The following GRIA1 variants were observed in gnomAD, a reference collection of about 807,000 sequenced individuals.
GRIA1 encodes glutamate receptor 1.
Under a neutral mutation model 99.2 loss-of-function variants are expected in GRIA1, and 31 were observed. That is an observed-to-expected ratio of 0.31 (90% confidence interval 0.23 to 0.42). The LOEUF (loss-of-function observed/expected upper bound fraction) is 0.42, where lower values mean the gene tolerates loss of function less well. GRIA1 is among the 10% of genes least tolerant of loss of function. The probability of loss-of-function intolerance (pLI) is 1.00; values close to 1 mark genes in which losing one functional copy is unlikely to be tolerated. For synonymous variants in GRIA1, 438 were observed against 432.4 expected, an observed-to-expected ratio of 1.01 and a Z score of -0.16; for missense variants, 782 against 1,157.5, an observed-to-expected ratio of 0.68 and a Z score of 4.71.
chr5:153,726,289 G>A (rs1480062407), intron 11 of GRIA1, among the ~76,000 whole-genome samples: 2 of 148,100 alleles, frequency 1.4e-5, no homozygotes, highest in African/African-American at 2.5e-5. Context: ...GAGAATGCAG[G>A]AAAGATCCAA....
chr5:153,555,579 G>A (rs1024433226), intron 2 of GRIA1, among the ~76,000 whole-genome samples: 22 of 151,886 alleles, frequency 1.4e-4, no homozygotes, highest in African/African-American at 5.1e-4. Flanking sequence ...AGACTCACTT[G>A]CAACGCAAAG....
rs1757636233 is a variant in GRIA1, at chr5:153,526,752, CAA to C, written c.220+32689_220+32690del. Among the ~76,000 whole-genome samples the C allele has an allele frequency of 2.6e-5, 4 of 152,208 alleles. No individual in the cohort carries two copies. The South Asian group carries it at 6.2e-4, about 24-fold the overall frequency. On this transcript the variant is annotated intron_variant, in intron 2 of 15. Coordinates refer to ENST00000285900, the MANE Select transcript of GRIA1 (RefSeq NM_000827.4). The stretch of plus-strand genomic sequence containing the variant: ...ATTTGCCCGGGATCACACTGAAACA[CAA>C]AGAGGGTGAATATGTGCACAGGGCA...
At chr5:153,498,285 T>C (rs1471470186) in intron 2 of GRIA1, among the ~76,000 whole-genome samples, 1 of 152,174 alleles carries the variant, frequency 6.6e-6, no homozygotes, top group Admixed American at 6.5e-5. Context: ...TTGGCAAGCA[T>C]TGAGTTTGCA....
chr5:153,564,075 C>T (rs981345815), intron 2 of GRIA1, among the ~76,000 whole-genome samples: 3 of 152,180 alleles, frequency 2.0e-5, no homozygotes, highest in African/African-American at 7.2e-5. Flanking sequence ...GACCTCTGCA[C>T]AATTCAGGGA....
intron 2 of GRIA1, among the ~76,000 whole-genome samples, chr5:153,503,462 C>T (rs1393039623): frequency 1.3e-5 from 2 of 152,124 alleles, no homozygotes; most frequent in African/African-American, 4.8e-5. Context: ...GCTAGGCAAA[C>T]GCAGGGTAAT....
At chr5:153,625,975 C>T (rs181951209) in intron 2 of GRIA1, among the ~76,000 whole-genome samples, 187 of 152,238 alleles carry the variant, frequency 1.2e-3, no homozygotes, top group African/African-American at 3.3e-3. Flanking sequence ...TGCCTACGCC[C>T]GTCACTTAGT....
intron 2 of GRIA1, among the ~76,000 whole-genome samples, chr5:153,634,202 C>T (rs1753182739): frequency 6.6e-6 from 1 of 151,690 alleles, no homozygotes; most frequent in African/African-American, 2.4e-5. Flanking sequence ...CCTGTAGTCC[C>T]AGCTACTCGG....
chr5:153,519,240 C>T (rs183188274), intron 2 of GRIA1, among the ~76,000 whole-genome samples: 104 of 151,746 alleles, frequency 6.9e-4, no homozygotes, highest in Middle Eastern at 3.4e-3. Context: ...CCAGCCTGGA[C>T]GACAGAGCGA....
chr5:153,757,055 G>T (rs1481635119), intron 11 of GRIA1, among the ~76,000 whole-genome samples: 1 of 152,110 alleles, frequency 6.6e-6, no homozygotes, highest in Non-Finnish European at 1.5e-5. Context: ...GAAGCTCAAT[G>T]AATTTTAAGA....
At chr5:153,670,117 C>T (rs1445970994) in intron 5 of GRIA1, among the ~76,000 whole-genome samples, 1 of 152,200 alleles carries the variant, frequency 6.6e-6, no homozygotes, top group Non-Finnish European at 1.5e-5. Context: ...TGAGAGCTTA[C>T]AGTTTATTGG....
chr5:153,548,193 G>T (rs1037529574), intron 2 of GRIA1, among the ~76,000 whole-genome samples: 1 of 152,132 alleles, frequency 6.6e-6, no homozygotes, highest in African/African-American at 2.4e-5. Context: ...TCAACTAACA[G>T]AATTCATGTT....
At chr5:153,674,061 G>A (rs6864192) in intron 5 of GRIA1, among the ~76,000 whole-genome samples, 11,843 of 152,270 alleles carry the variant, frequency 0.078, 602 homozygotes, top group South Asian at 0.16. Flanking sequence ...GATGGTAGAC[G>A]AGATTATTCC....
chr5:153,612,797 C>T (rs1359819124), intron 2 of GRIA1, among the ~76,000 whole-genome samples: 1 of 152,148 alleles, frequency 6.6e-6, no homozygotes, highest in Non-Finnish European at 1.5e-5. Context: ...CCCAGCCACA[C>T]ATACCCATAT....
At chr5:153,763,660 CAG>C (rs1179780795) in intron 11 of GRIA1, among the ~76,000 whole-genome samples, 1 of 152,174 alleles carries the variant, frequency 6.6e-6, no homozygotes, top group Non-Finnish European at 1.5e-5. Flanking sequence ...CCTATCAGAT[CAG>C]AGAGATAACA....
chr5:153,698,399 C>T (rs890471625), intron 9 of GRIA1, among the ~76,000 whole-genome samples: 6 of 152,188 alleles, frequency 3.9e-5, no homozygotes, highest in African/African-American at 1.4e-4. Flanking sequence ...AGCCAGCTTT[C>T]CCATATTTAA....
At chr5:153,582,234 G>A (rs1432117434) in intron 2 of GRIA1, among the ~76,000 whole-genome samples, 1 of 152,160 alleles carries the variant, frequency 6.6e-6, no homozygotes, top group African/African-American at 2.4e-5. Context: ...TGTTTCTGAA[G>A]GTTTTATGTT....
intron 11 of GRIA1, among the ~76,000 whole-genome samples, chr5:153,725,312 A>C (rs910649212): frequency 6.6e-6 from 1 of 151,742 alleles, no homozygotes; most frequent in Non-Finnish European, 1.5e-5. Context: ...TGTAAAGACC[A>C]TCAAGGCTAG....
chr5:153,599,356 A>G (rs2149395108), intron 2 of GRIA1, among the ~76,000 whole-genome samples: 1 of 152,352 alleles, frequency 6.6e-6, no homozygotes, highest in East Asian at 1.9e-4. Context: ...CACAATACTT[A>G]TCCTAAAAGA....
intron 2 of GRIA1, among the ~76,000 whole-genome samples, chr5:153,549,958 G>A (rs1236057990): frequency 2.6e-5 from 4 of 152,058 alleles, no homozygotes; most frequent in Non-Finnish European, 5.9e-5. Context: ...CAGTTCTATC[G>A]CTTACTATCG....
Sources: gnomAD v4.1 joint callset for allele counts (sites outside exome capture counted in the v4.1 genomes callset) on GRCh38, gnomAD v4.1.1 for gene constraint, MANE v1.5 for transcripts, NCBI Gene and HGNC (gene_info 2026-07-23, HGNC 2026-07-21) for gene names.